Variants in MED15 observed in about 807,000 individuals in gnomAD.
MED15 encodes the protein mediator of RNA polymerase II transcription subunit 15.
In MED15, 41 loss-of-function variants were observed where a neutral mutation model predicts 118.7. The observed-to-expected ratio is 0.35, with a 90% CI of 0.27 to 0.45. The LOEUF is 0.45. MED15 is among the 20% of genes least tolerant of loss of function. MED15 has a pLI of 1.00. For missense variants in MED15, 740 were observed against 1,025.5 expected, an observed-to-expected ratio of 0.72 and a Z score of 3.80; for synonymous variants, 436 against 413.9, an observed-to-expected ratio of 1.05 and a Z score of -0.65.
intron 1 of MED15, among the ~76,000 whole-genome samples, chr22:20,535,067 C>T (rs944229037): frequency 8.5e-5 from 13 of 152,168 alleles, no homozygotes; most frequent in African/African-American, 3.1e-4. Context: ...AAGCGATTCT[C>T]CTGCCTCAGC....
chr22:20,559,224 A>G (rs2056135221), intron 5 of MED15, among the ~76,000 whole-genome samples: 1 of 152,210 alleles, frequency 6.6e-6, no homozygotes, highest in Non-Finnish European at 1.5e-5. Flanking sequence ...ATCAGGAGCA[A>G]TGAAGCAGAT....
chr22:20,561,529 A>AT (rs2056241350), intron 5 of MED15, among the ~76,000 whole-genome samples: 1 of 152,062 alleles, frequency 6.6e-6, no homozygotes, highest in Non-Finnish European at 1.5e-5. Context: ...AAAAAAAAAA[A>AT]GGAAAGGAAA....
chr22:20,569,298 G>C (rs2056557426), intron 8 of MED15, among the ~76,000 whole-genome samples: 1 of 152,190 alleles, frequency 6.6e-6, no homozygotes. Context: ...TCCTTCTTGT[G>C]GGGAGACGTA....
At chr22:20,579,921 C>T (rs1280417100) in intron 9 of MED15, among the ~76,000 whole-genome samples, 1 of 151,940 alleles carries the variant, frequency 6.6e-6, no homozygotes, top group African/African-American at 2.4e-5. Flanking sequence ...TGTGACACAC[C>T]GGCGCCCGAC....
chr22:20,539,308 G>A (rs1239129276), intron 2 of MED15, among the ~76,000 whole-genome samples: 1 of 149,176 alleles, frequency 6.7e-6, no homozygotes, highest in Non-Finnish European at 1.5e-5. Context: ...TTGGTCTGGG[G>A]CTATGTTGGC....
intron 15 of MED15, 35 bp downstream of exon 15, chr22:20,585,050 G>A: frequency 6.2e-7 from 1 of 1,613,580 alleles, no homozygotes; most frequent in African/African-American, 1.3e-5. Context: ...GCGGAGGGCG[G>A]CCAGCCCTGG....
In MED15 at chr22:20,583,153, G is replaced by C; in HGVS notation, c.1578G>C (p.Gln526His). The C allele has an allele frequency of 6.2e-7, 1 of 1,608,440 alleles. No homozygotes were observed. Among genetic ancestry groups the C allele is most frequent in the Non-Finnish European group, 8.5e-7 (1 of 1,177,732 alleles). The change falls in exon 12 of 18, where the codon CAG becomes CAC. Residue 526 changes from glutamine (Q) to histidine (H), a missense_variant. Gln to His is a conservative substitution (Grantham distance 24). This residue lies in a region of MED15 where 384 missense variants were observed against 506.3 expected (regional missense o/e 0.76). Transcript: ENST00000263205. ...SSVMSPAGSS[Q>H]AEEQQYLDKL... ...TCATGAGCCCAGCTGGCTCCAGCCA[G>C]GCTGAGGAGCAGCAGTACCTGGACA...
At chr22:20,532,944 A>G (rs1263285037) in intron 1 of MED15, among the ~76,000 whole-genome samples, 1 of 151,960 alleles carries the variant, frequency 6.6e-6, no homozygotes, top group East Asian at 1.9e-4. Context: ...TCCTTACTCC[A>G]TGTTGGGGGC....
chr22:20,581,456 A>G (rs2056979677), intron 9 of MED15, among the ~76,000 whole-genome samples: 1 of 152,172 alleles, frequency 6.6e-6, no homozygotes, highest in Non-Finnish European at 1.5e-5. Flanking sequence ...GTTCATGGCC[A>G]GAGTGCCCCA....
At chr22:20,520,340 GC>G (rs2146365940) in intron 1 of MED15, among the ~76,000 whole-genome samples, 1 of 152,308 alleles carries the variant, frequency 6.6e-6, no homozygotes, top group East Asian at 1.9e-4. Context: ...TGATGAGTCT[GC>G]TATGTGTGAG....
chr22:20,566,902 A>G (rs566653570), intron 7 of MED15, 85 bp downstream of exon 7: 8 of 1,560,556 alleles, frequency 5.1e-6, no homozygotes, highest in Non-Finnish European at 6.9e-6. Flanking sequence ...TAGAGATAGC[A>G]TATCCTATTC....
chr22:20,586,341 G>T (rs1221413681), intron 17 of MED15, among the ~76,000 whole-genome samples: 2 of 152,008 alleles, frequency 1.3e-5, no homozygotes, highest in Non-Finnish European at 2.9e-5. Context: ...GCCAGGCTGG[G>T]TCCCCAAGGT....
At chr22:20,555,553 T>G (rs1036754170) in intron 5 of MED15, among the ~76,000 whole-genome samples, 1 of 152,234 alleles carries the variant, frequency 6.6e-6, no homozygotes, top group African/African-American at 2.4e-5. Context: ...CCTTGCCCCT[T>G]GGTCACCATG....
intron 1 of MED15, among the ~76,000 whole-genome samples, chr22:20,517,215 G>A (rs965084473): frequency 2.0e-5 from 3 of 152,122 alleles, no homozygotes; most frequent in South Asian, 2.1e-4. Flanking sequence ...TGGATTACAG[G>A]CATGAGCCAC....
chr22:20,539,708 T>C (rs2055215795), intron 2 of MED15, among the ~76,000 whole-genome samples: 1 of 152,222 alleles, frequency 6.6e-6, no homozygotes, highest in Non-Finnish European at 1.5e-5. Context: ...GCAGCTTAAA[T>C]GAGGTTTCAA....
intron 14 of MED15, 58 bp downstream of exon 14, chr22:20,584,483 A>AGC: frequency 6.3e-7 from 1 of 1,580,956 alleles, no homozygotes; most frequent in East Asian, 2.2e-5. Flanking sequence ...AGCTCCTGGG[A>AGC]GTGCTGCTGA....
At chr22:20,546,464 G>C (rs569004811) in intron 2 of MED15, among the ~76,000 whole-genome samples, 1 of 148,944 alleles carries the variant, frequency 6.7e-6, no homozygotes, top group African/African-American at 2.5e-5. Context: ...AGGGCTTGTA[G>C]ACTAATTCTG....
rs12628620 is a variant in MED15 at position 20,520,417 on chromosome 22, G to A, written c.68+12671G>A. On this transcript the variant is annotated intron_variant, in intron 1 of 17. Coordinates refer to ENST00000263205, the MANE Select transcript of MED15 (RefSeq NM_001003891.3). ...CAGAAGCCTCGGTGGGTCACCATAC[G>A]TCCTGCAAGTGCTGTCAGTCTGCTT... Among the ~76,000 whole-genome samples, 208 of 152,272 alleles carry A rather than the reference G, an allele frequency of 1.4e-3. 10 individuals are homozygous for A. In the East Asian group the frequency reaches 0.036, roughly 26 times the overall value.
At chr22:20,583,276 A>G (rs2057042561) in intron 12 of MED15, 29 bp downstream of exon 12, 1 of 1,613,118 alleles carries the variant, frequency 6.2e-7, no homozygotes, top group African/African-American at 1.3e-5. Flanking sequence ...AGGGGCCTGC[A>G]CCCTGGGGAC....
Sources: gnomAD v4.1 joint callset for allele counts (sites outside exome capture counted in the v4.1 genomes callset) on GRCh38, gnomAD v4.1.1 for gene constraint, gnomAD v4.1.1 regional missense constraint, MANE v1.5 for transcripts, NCBI Gene and HGNC (gene_info 2026-07-23, HGNC 2026-07-21) for gene names.